The following MYLK4 variants were observed in gnomAD, a reference collection of about 807,000 sequenced individuals.
MYLK4 encodes the protein myosin light chain kinase family member 4, also known as caMLCK like.
MYLK4 carries 46 observed loss-of-function variants against 48.1 expected under a neutral mutation model. That is an observed-to-expected ratio of 0.96 (90% CI 0.75 to 1.22). The LOEUF is 1.22. Among genes scored for constraint, MYLK4 ranks in the 50% most tolerant of loss-of-function variants. The probability of loss-of-function intolerance (pLI) is 0.00; values close to 1 mark genes in which losing one functional copy is unlikely to be tolerated. For missense variants in MYLK4, 451 were observed against 486.1 expected (o/e 0.93, Z 0.68); for synonymous variants, 170 against 180.8 (o/e 0.94, Z 0.48).
rs568630316 is a variant in MYLK4, at chr6:2,699,096, G to A, written c.160-6237C>T. Among the ~76,000 whole-genome samples the A allele has an allele frequency of 1.3e-4, 20 of 152,104 alleles. No individual in the cohort carries two copies. In the South Asian group the frequency reaches 2.3e-3, roughly 17 times the overall value. On this transcript the variant is annotated intron_variant, in intron 2 of 12. Coordinates refer to ENST00000274643, the MANE Select transcript of MYLK4 (RefSeq NM_001012418.5). ...CAATTATGTGCACAGTGCTTCACTC[G>A]GAAGCCAAGTAAATGGGACCCTCCA...
rs1761397470 is a variant in MYLK4 at position 2,683,391 on chromosome 6, T to TG, written c.546-230_546-229insC. ...ATCCTCAAGCCAACTCCCCACCTTT[T>TG]TGTGTGTGTGTGTGTGTGTGTGTGT... On this transcript the variant is annotated intron_variant, in intron 6 of 12. Transcript: ENST00000274643. Among the ~76,000 whole-genome samples the TG allele has an allele frequency of 5.4e-4, 69 of 126,662 alleles. 1 individual carries two copies. Among genetic ancestry groups the TG allele is most frequent in the Middle Eastern group, 4.2e-3 (1 of 236 alleles). The allele number at this position is 126,662 out of a possible 152,430, so 83.1% of individuals were successfully genotyped here.
At chr6:2,721,572 T>G (rs570974139) in intron 2 of MYLK4, among the ~76,000 whole-genome samples, 1 of 150,804 alleles carries the variant, frequency 6.6e-6, no homozygotes, top group South Asian at 2.1e-4. Flanking sequence ...TAGAGAGGCA[T>G]GCATCGCAAG....
intron 2 of MYLK4, among the ~76,000 whole-genome samples, chr6:2,712,019 G>A (rs1762692101): frequency 6.6e-6 from 1 of 152,076 alleles, no homozygotes; most frequent in Non-Finnish European, 1.5e-5. Context: ...TTCAGAGCTG[G>A]CCATTTGAAG....
At chr6:2,681,291 A>C (rs1456036151) in intron 7 of MYLK4, among the ~76,000 whole-genome samples, 1 of 152,216 alleles carries the variant, frequency 6.6e-6, no homozygotes, top group Non-Finnish European at 1.5e-5. Context: ...ACACATTATG[A>C]AATGACATAA....
Position 2,677,489 on chromosome 6 carries a change from C to G in MYLK4, c.1040+731G>C, listed in dbSNP as rs779125508. The stretch of plus-strand genomic sequence containing the variant: ...ATCATTATACGGCTCAGGTATAAAG[C>G]CATCTGAAACAGCGTGTTTGATGGG... On this transcript the variant is annotated intron_variant, in intron 10 of 12. Coordinates refer to ENST00000274643, the MANE Select transcript of MYLK4 (RefSeq NM_001012418.5). Among the ~76,000 whole-genome samples the G allele has an allele frequency of 3.1e-4, 47 of 152,190 alleles. 1 individual carries two copies. Among genetic ancestry groups the G allele is most frequent in the Admixed American group, 2.6e-4 (4 of 15,276 alleles).
chr6:2,690,571 G>T (rs1009467114), intron 3 of MYLK4, among the ~76,000 whole-genome samples: 1 of 152,112 alleles, frequency 6.6e-6, no homozygotes, highest in African/African-American at 2.4e-5. Flanking sequence ...CCGTGATAGA[G>T]GTGACCATTT....
At chr6:2,769,040 C>G in the MYLK4 span, among the ~76,000 whole-genome samples, 5 of 152,268 alleles carry the variant, frequency 3.3e-5, no homozygotes, top group African/African-American at 1.2e-4. Context: ...CCATACATTT[C>G]TTAGTGTTTT....
At chr6:2,752,755 T>A, upstream of MYLK4, among the ~76,000 whole-genome samples, 1 of 152,166 alleles carries the variant, frequency 6.6e-6, no homozygotes, top group East Asian at 1.9e-4. Flanking sequence ...ACAATATACA[T>A]TCAATACATA....
chr6:2,689,152 A>G (rs1330684304), intron 3 of MYLK4, among the ~76,000 whole-genome samples, 196 bp from the exon 4 acceptor site: 1 of 152,156 alleles, frequency 6.6e-6, no homozygotes, highest in Non-Finnish European at 1.5e-5. Flanking sequence ...TGATCCTGAC[A>G]CCTCTGAGAA....
intron 2 of MYLK4, among the ~76,000 whole-genome samples, chr6:2,703,345 A>G (rs970666533): frequency 1.3e-5 from 2 of 152,230 alleles, no homozygotes; most frequent in African/African-American, 4.8e-5. Flanking sequence ...TATCCCTGCA[A>G]GTTCATTATT....
chr6:2,744,386 G>T (rs1764001114), intron 2 of MYLK4, among the ~76,000 whole-genome samples: 1 of 152,242 alleles, frequency 6.6e-6, no homozygotes, highest in East Asian at 1.9e-4. Flanking sequence ...GGCTGCCGAG[G>T]CTGGGCCACT....
intron 2 of MYLK4, among the ~76,000 whole-genome samples, chr6:2,707,102 T>C (rs1762519236): frequency 6.6e-6 from 1 of 152,236 alleles, no homozygotes; most frequent in South Asian, 2.1e-4. Flanking sequence ...CGGGACAGTA[T>C]ACGTTTTTCT....
chr6:2,763,735 AG>A, the MYLK4 span, among the ~76,000 whole-genome samples: 1 of 152,208 alleles, frequency 6.6e-6, no homozygotes, highest in Non-Finnish European at 1.5e-5. Context: ...GGCAGGCTGA[AG>A]GGTTTCGCAA....
intron 7 of MYLK4, among the ~76,000 whole-genome samples, chr6:2,681,886 G>A (rs1761318623): frequency 6.6e-6 from 1 of 152,224 alleles, no homozygotes; most frequent in Non-Finnish European, 1.5e-5. Context: ...TCAAATCCCT[G>A]TAGGGATATC....
the MYLK4 span, chr6:2,766,109 C>CAGG: frequency 2.0e-5 from 27 of 1,318,236 alleles, no homozygotes; most frequent in South Asian, 8.8e-5. Flanking sequence ...GGCGGAGGCG[C>CAGG]AGGAGGAGGA....
intron 2 of MYLK4, among the ~76,000 whole-genome samples, chr6:2,704,205 T>G (rs1257889226): frequency 1.3e-5 from 2 of 152,240 alleles, no homozygotes; most frequent in Non-Finnish European, 2.9e-5. Flanking sequence ...CTGTATTTAC[T>G]GATCATCTCA....
intron 2 of MYLK4, among the ~76,000 whole-genome samples, chr6:2,709,517 C>G (rs937680767): frequency 6.6e-6 from 1 of 152,204 alleles, no homozygotes; most frequent in African/African-American, 2.4e-5. Flanking sequence ...CCACAGCAAG[C>G]CCCAGGACTG....
intron 8 of MYLK4, 35 bp downstream of exon 8, chr6:2,680,186 G>A (rs1452313818): frequency 6.2e-7 from 1 of 1,610,992 alleles, no homozygotes; most frequent in Non-Finnish European, 8.5e-7. Context: ...ATGTCCCCCA[G>A]CTCCATTCGT....
chr6:2,769,008 C>T, the MYLK4 span: 1 of 880,226 alleles, frequency 1.1e-6, no homozygotes, highest in African/African-American at 1.7e-5. Context: ...CTTGTGAACC[C>T]ATCTCCTTCA....
Sources: gnomAD v4.1 joint callset for allele counts (sites outside exome capture counted in the v4.1 genomes callset) on GRCh38, gnomAD v4.1.1 for gene constraint, MANE v1.5 for transcripts, NCBI Gene and HGNC (gene_info 2026-07-23, HGNC 2026-07-21) for gene names.